Variants in SGCZ observed in about 807,000 individuals in gnomAD.
The protein encoded by SGCZ is zeta-sarcoglycan.
Under a neutral mutation model 41.3 loss-of-function variants are expected in SGCZ, and 40 were observed. That is an observed-to-expected ratio of 0.97 (90% CI 0.75 to 1.26). The LOEUF is 1.26. SGCZ is among the 50% of genes most tolerant of loss of function. The pLI, the probability that SGCZ is intolerant of heterozygous loss-of-function variation, is 0.00. For synonymous variants in SGCZ, 206 were observed against 137.5 expected, an observed-to-expected ratio of 1.50 and a Z score of -3.49; for missense variants, 552 against 369.8, an observed-to-expected ratio of 1.49 and a Z score of -4.04.
intron 1 of SGCZ, among the ~76,000 whole-genome samples, chr8:14,621,030 G>C (rs935282960): frequency 1.3e-5 from 2 of 151,996 alleles, no homozygotes; most frequent in Admixed American, 6.6e-5. Context: ...CAAAGACTTG[G>C]AACCAACCCC....
At chr8:14,221,398 T>C (rs1806189628) in intron 4 of SGCZ, among the ~76,000 whole-genome samples, 2 of 152,212 alleles carry the variant, frequency 1.3e-5, no homozygotes, top group African/African-American at 4.8e-5. Flanking sequence ...GAGGCAATTG[T>C]TGTTTTTGCT....
chr8:14,096,988 C>T (rs527895054), intron 7 of SGCZ, among the ~76,000 whole-genome samples: 12 of 151,972 alleles, frequency 7.9e-5, no homozygotes, highest in African/African-American at 2.7e-4. Context: ...TGATTCTTCT[C>T]TCTTTCCTTC....
intron 2 of SGCZ, among the ~76,000 whole-genome samples, chr8:14,498,622 T>G (rs1198506964): frequency 1.3e-5 from 2 of 152,078 alleles, no homozygotes; most frequent in Non-Finnish European, 2.9e-5. Flanking sequence ...TATTTCCTTT[T>G]AACTTTTTCT....
chr8:14,442,630 T>A (rs1283908335), intron 2 of SGCZ, among the ~76,000 whole-genome samples: 1 of 152,328 alleles, frequency 6.6e-6, no homozygotes, highest in East Asian at 1.9e-4. Context: ...GTCCCTTATA[T>A]AGAGTTGATA....
chr8:15,184,173 G>T (rs1403557132), intron 1 of SGCZ, among the ~76,000 whole-genome samples: 1 of 152,144 alleles, frequency 6.6e-6, no homozygotes, highest in Admixed American at 6.6e-5. Flanking sequence ...TCATAAAAAT[G>T]AATTGTAATT....
intron 1 of SGCZ, among the ~76,000 whole-genome samples, chr8:14,639,978 C>G (rs1457089199): frequency 6.6e-6 from 1 of 151,528 alleles, no homozygotes; most frequent in South Asian, 2.1e-4. Flanking sequence ...AGATAAATCC[C>G]GAGATATACT....
chr8:14,213,267 A>G (rs1037587123), intron 4 of SGCZ, among the ~76,000 whole-genome samples: 3 of 152,176 alleles, frequency 2.0e-5, no homozygotes, highest in Admixed American at 2.0e-4. Context: ...TCTGAAAAGT[A>G]AAGACACGCA....
chr8:14,888,148 T>C (rs370182789), intron 1 of SGCZ, among the ~76,000 whole-genome samples: 6 of 152,166 alleles, frequency 3.9e-5, no homozygotes, highest in Admixed American at 2.6e-4. Context: ...GAGCATCACA[T>C]ACTTTTTCAA....
intron 1 of SGCZ, among the ~76,000 whole-genome samples, chr8:15,082,604 A>G (rs937141553): frequency 2.6e-5 from 4 of 152,108 alleles, no homozygotes; most frequent in African/African-American, 9.7e-5. Context: ...ATGGCATAGA[A>G]TATAAAAACG....
intron 1 of SGCZ, among the ~76,000 whole-genome samples, chr8:14,783,633 A>G (rs1314784096): frequency 2.0e-5 from 3 of 152,182 alleles, no homozygotes; most frequent in Non-Finnish European, 4.4e-5. Context: ...TTTGTGAGCT[A>G]AAAGATATTT....
intron 1 of SGCZ, among the ~76,000 whole-genome samples, chr8:14,764,248 A>C (rs1175769756): frequency 1.3e-5 from 2 of 152,300 alleles, no homozygotes; most frequent in African/African-American, 4.8e-5. Flanking sequence ...TTTTAAAATC[A>C]CCCTTTGGAA....
At chr8:14,901,777 A>G in intron 1 of SGCZ, among the ~76,000 whole-genome samples, 1 of 152,316 alleles carries the variant, frequency 6.6e-6, no homozygotes, top group South Asian at 2.1e-4. Context: ...AACAGACTAT[A>G]CCAAGAAAAT....
At chr8:14,937,214 T>C (rs1377420375) in intron 1 of SGCZ, among the ~76,000 whole-genome samples, 2 of 151,858 alleles carry the variant, frequency 1.3e-5, no homozygotes, top group African/African-American at 2.4e-5. Flanking sequence ...ATCAAAAATA[T>C]AGACATTATA....
At chr8:14,851,740 A>G (rs752390417) in intron 1 of SGCZ, among the ~76,000 whole-genome samples, 1 of 152,160 alleles carries the variant, frequency 6.6e-6, no homozygotes, top group Non-Finnish European at 1.5e-5. Flanking sequence ...TTGTGTCATT[A>G]TTATCATAGT....
At chr8:14,445,880 T>A (rs1472204595) in intron 2 of SGCZ, among the ~76,000 whole-genome samples, 2 of 152,120 alleles carry the variant, frequency 1.3e-5, no homozygotes, top group Non-Finnish European at 2.9e-5. Flanking sequence ...GCCAGCTGGA[T>A]CCTGCACTCA....
At chr8:14,386,705 A>C (rs1022714270) in intron 2 of SGCZ, among the ~76,000 whole-genome samples, 1 of 152,200 alleles carries the variant, frequency 6.6e-6, no homozygotes, top group Admixed American at 6.6e-5. Context: ...ATGGGCTGCC[A>C]GAAGTTCATA....
At chr8:15,046,466 G>A (rs1804304256) in intron 1 of SGCZ, among the ~76,000 whole-genome samples, 1 of 151,734 alleles carries the variant, frequency 6.6e-6, no homozygotes, top group Admixed American at 6.6e-5. Flanking sequence ...TTATCTTGAT[G>A]CTAAAATTAT....
chr8:15,074,629 C>G (rs1805465615), intron 1 of SGCZ, among the ~76,000 whole-genome samples: 1 of 152,104 alleles, frequency 6.6e-6, no homozygotes, highest in African/African-American at 2.4e-5. Context: ...TCCTCTCCCA[C>G]CATGAAAATT....
chr8:14,809,235 AAAG>A (rs914847491), intron 1 of SGCZ, among the ~76,000 whole-genome samples: 1 of 152,166 alleles, frequency 6.6e-6, no homozygotes, highest in Non-Finnish European at 1.5e-5. Context: ...TATAATAATA[AAAG>A]AAGAAAAATA....
Sources: gnomAD v4.1 joint callset for allele counts (sites outside exome capture counted in the v4.1 genomes callset) on GRCh38, gnomAD v4.1.1 for gene constraint, MANE v1.5 for transcripts, NCBI Gene and HGNC (gene_info 2026-07-23, HGNC 2026-07-21) for gene names.